The following IRAG2 variants were observed in gnomAD, a reference collection of about 807,000 sequenced individuals.
IRAG2 encodes inositol 1,4,5-triphosphate receptor associated 2, also known as lymphoid restricted membrane protein.
IRAG2 carries 45 observed loss-of-function variants against 69.9 expected under a neutral mutation model. The ratio of observed to expected loss-of-function variants is 0.64; its 90% CI spans 0.51 to 0.83. IRAG2 has a LOEUF of 0.83. Among genes scored for constraint, IRAG2 ranks in the 40% least tolerant of loss-of-function variants. The pLI is 0.00. For synonymous variants in IRAG2, 193 were observed against 202.4 expected (o/e 0.95, Z 0.40); for missense variants, 520 against 587.0 (o/e 0.89, Z 1.18).
intron 6 of IRAG2, among the ~76,000 whole-genome samples, chr12:25,073,037 T>C (rs75348716): frequency 0.012 from 1,893 of 152,306 alleles, 34 homozygotes; most frequent in African/African-American, 0.042. Context: ...CATAATGGAT[T>C]AAGAGTGGGG....
intron 6 of IRAG2, among the ~76,000 whole-genome samples, chr12:25,071,959 T>C (rs2140041398): frequency 6.6e-6 from 1 of 152,262 alleles, no homozygotes; most frequent in East Asian, 1.9e-4. Flanking sequence ...ATCCCAGCAC[T>C]TTGGGAGACC....
chr12:25,021,986 A>C (rs1944584720), intron 7 of IRAG2, among the ~76,000 whole-genome samples: 1 of 152,224 alleles, frequency 6.6e-6, no homozygotes, highest in African/African-American at 2.4e-5. Flanking sequence ...AATGGAGAGA[A>C]CTGGTCAAGA....
Position 25,107,024 on chromosome 12 carries a change from T to A in IRAG2, c.1230T>A (p.Asn410Lys), listed in dbSNP as rs1194351323. 1.9e-6 allele frequency: 3 copies of A among 1,603,018 alleles called. No individual in the cohort carries two copies. The highest frequency in any genetic ancestry group is 1.7e-6 in the Non-Finnish European group (2 of 1,172,500). ...CAAGTCTTTCTGAAAAGAAAAATAA[T>A]CCATCAAAGTGGGATGTCTCTTCAG... ...RKPSLSEKKN[N>K]PSKWDVSSVY... The change falls in exon 21 of 22, where the codon AAT becomes AAA. Residue 410 changes from asparagine to lysine, a missense_variant. Coordinates refer to ENST00000556887, the MANE Select transcript of IRAG2 (RefSeq NM_001366544.2).
chr12:25,011,279 G>C (rs1364136787), intron 2 of IRAG2: 1 of 1,100,878 alleles, frequency 9.1e-7, no homozygotes, highest in Non-Finnish European at 1.2e-6. Context: ...CATGTTTCTA[G>C]GATCAGGAAA....
At chr12:25,030,948 T>C in intron 10 of IRAG2, 1 of 830,926 alleles carries the variant, frequency 1.2e-6, no homozygotes, top group Non-Finnish European at 1.5e-6. Flanking sequence ...GATTGATTGA[T>C]TAGATAGATA....
intron 15 of IRAG2, among the ~76,000 whole-genome samples, chr12:25,037,087 G>A (rs1374792712): frequency 6.6e-6 from 1 of 152,044 alleles, no homozygotes; most frequent in African/African-American, 2.4e-5. Flanking sequence ...GGAACTTGCA[G>A]AACATTGGAA....
intron 12 of IRAG2, among the ~76,000 whole-genome samples, chr12:25,032,933 C>T (rs1315768311): frequency 6.7e-6 from 1 of 150,266 alleles, no homozygotes; most frequent in Non-Finnish European, 1.5e-5. Flanking sequence ...TTTCCCTTAC[C>T]CTGGAACTAA....
intron 9 of IRAG2, among the ~76,000 whole-genome samples, chr12:25,030,050 C>T (rs564075966): frequency 1.2e-4 from 18 of 152,160 alleles, no homozygotes; most frequent in African/African-American, 1.7e-4. Context: ...TGACAGTGTG[C>T]GACATTGGGT....
At chr12:25,023,959 T>G in intron 8 of IRAG2, 1 of 1,100,048 alleles carries the variant, frequency 9.1e-7, no homozygotes, top group Non-Finnish European at 1.2e-6. Context: ...TAGACAAACA[T>G]GCAAATCATA....
chr12:25,079,167 A>G, intron 6 of IRAG2, 77 bp from the exon 7 acceptor site: 1 of 1,410,396 alleles, frequency 7.1e-7, no homozygotes, highest in Non-Finnish European at 1.0e-6. Flanking sequence ...TTGTATGAAA[A>G]TGTTTGCTTA....
intron 10 of IRAG2, among the ~76,000 whole-genome samples, chr12:25,087,041 A>G (rs1322085799): frequency 6.7e-6 from 1 of 148,902 alleles, no homozygotes; most frequent in Non-Finnish European, 1.5e-5. Flanking sequence ...TATCACCCAC[A>G]CCTTACCTTT....
chr12:25,000,227 C>A (rs1268922207), upstream of IRAG2, among the ~76,000 whole-genome samples: 1 of 152,206 alleles, frequency 6.6e-6, no homozygotes, highest in Non-Finnish European at 1.5e-5. Context: ...GGGTGGATTA[C>A]TTTAGCTCAG....
At chr12:25,004,373 G>A (rs917730220) in exon 1 of IRAG2, 20 of 1,231,990 alleles carry the variant, frequency 1.6e-5, no homozygotes, top group Non-Finnish European at 1.8e-5. Flanking sequence ...ACTGAGAAGC[G>A]GCATAACCCA....
Position 25,081,308 on chromosome 12 carries a change from C to G in IRAG2, c.244+1545C>G, listed in dbSNP as rs1309508485. ...TGGAACCCCGTCTCTACTAAAAATA[C>G]AAAAAATTAGCCAGGCGTGGTGGCG... is the stretch of plus-strand genomic sequence containing the variant. On this transcript the variant is annotated intron_variant, in intron 9 of 21. Transcript: ENST00000556887. Among the ~76,000 whole-genome samples, 10 of 152,000 alleles carry G rather than the reference C, an allele frequency of 6.6e-5. No homozygotes were observed. The East Asian group carries it at 1.9e-3, about 29-fold the overall frequency.
At chr12:25,098,388 G>A (rs1490537490) in intron 15 of IRAG2, among the ~76,000 whole-genome samples, 8 of 152,108 alleles carry the variant, frequency 5.3e-5, no homozygotes, top group African/African-American at 1.7e-4. Context: ...GGTAATGACT[G>A]CTTCCAACCT....
Position 25,101,335 on chromosome 12 carries a change from G to A in IRAG2, c.889+10G>A, listed in dbSNP as rs769768094. The A allele has an allele frequency of 6.4e-7, 1 of 1,573,930 alleles. No individual in the cohort carries two copies. Among genetic ancestry groups the A allele is most frequent in the East Asian group, 2.3e-5 (1 of 43,950 alleles). On this transcript the variant is annotated intron_variant, in intron 16 of 21. Coordinates refer to ENST00000556887, the MANE Select transcript of IRAG2 (RefSeq NM_001366544.2). ...CCTCTTGAAGATGATGGTAATAAAA[G>A]TTTATGATAATAGTATTAGTTGTGT...
intron 6 of IRAG2, among the ~76,000 whole-genome samples, chr12:25,069,879 G>A (rs1946222832): frequency 6.6e-6 from 1 of 152,130 alleles, no homozygotes; most frequent in Admixed American, 6.6e-5. Flanking sequence ...AGAGTAGTAA[G>A]GTATTAATTG....
upstream of IRAG2, among the ~76,000 whole-genome samples, chr12:25,047,658 G>A (rs1003825597): frequency 6.6e-6 from 1 of 151,998 alleles, no homozygotes; most frequent in African/African-American, 2.4e-5. Flanking sequence ...TCCCCGCAAT[G>A]TGTCCATGTG....
chr12:25,026,805 T>A (rs551000428), exon 9 of IRAG2: 251 of 1,226,874 alleles, frequency 2.0e-4, no homozygotes, highest in Non-Finnish European at 2.5e-4. Flanking sequence ...AAGAACATCA[T>A]GGATATAGAC....
Sources: gnomAD v4.1 joint callset for allele counts (sites outside exome capture counted in the v4.1 genomes callset) on GRCh38, gnomAD v4.1.1 for gene constraint, MANE v1.5 for transcripts, NCBI Gene and HGNC (gene_info 2026-07-23, HGNC 2026-07-21) for gene names.